Variants in ANKRD16 observed in about 807,000 individuals in gnomAD.
ANKRD16 encodes ankyrin repeat domain-containing protein 16.
A neutral mutation model predicts 37.9 loss-of-function variants in ANKRD16; 35 were observed. The ratio of observed to expected loss-of-function variants is 0.92; its 90% confidence interval spans 0.71 to 1.23. ANKRD16 has a LOEUF of 1.23. Ranked by LOEUF, ANKRD16 falls within the 50% of genes most tolerant of loss-of-function variation. ANKRD16 has a pLI of 0.00. For missense variants in ANKRD16, 480 were observed against 469.9 expected (o/e 1.02, Z -0.20); for synonymous variants, 206 against 197.2 (o/e 1.04, Z -0.37).
intron 7 of ANKRD16, among the ~76,000 whole-genome samples, chr10:5,876,276 C>T (rs1255874499): frequency 6.6e-6 from 1 of 152,136 alleles, no homozygotes; most frequent in Non-Finnish European, 1.5e-5. Flanking sequence ...TACAAAGGTG[C>T]GTGGAATCTA....
rs953662348 is a variant in ANKRD16, at chr10:5,864,209, C to T, written c.*34-1518G>A. Among the ~76,000 whole-genome samples, 8 of 152,118 alleles carry T rather than the reference C, an allele frequency of 5.3e-5. No homozygotes were observed. The highest frequency in any genetic ancestry group is 1.0e-4 in the Non-Finnish European group (7 of 68,034). The stretch of plus-strand genomic sequence containing the variant: ...TGCAAAGCTTACAACTTACATCCCA[C>T]AGGAGGACTTCTCAGCTTACCCCCA... On this transcript the variant is annotated intron_variant, in intron 7 of 7. Coordinates refer to ENST00000380094, the MANE Select transcript of ANKRD16 (RefSeq NM_019046.3). This position sits in a 1 kb window ranked among gnomAD's most constrained non-coding sequence, Gnocchi z 4.4.
rs757652418 is a variant in ANKRD16, at chr10:5,889,099, A to T, written c.256T>A (p.Cys86Ser). ...CCCCGGCCCAGCAGGTAGCGCACGC[A>T]GTCTCGGTGGCCCATGGAGGCCGCC... Reference protein sequence around the residue: ...HEAASMGHRDCVRYLLGRGAA... With the variant: ...HEAASMGHRDSVRYLLGRGAA... Residue 86 changes from cysteine (C) to serine (S), a missense_variant, in exon 1 of 8, where the codon TGC becomes AGC. Transcript: ENST00000380094. 1 of 1,584,744 alleles carries T rather than the reference A, an allele frequency of 6.3e-7. No homozygotes were observed. The highest frequency in any genetic ancestry group is 1.8e-5 in the Admixed American group (1 of 56,560).
At chr10:5,881,441 TATATATATA>T (rs1842308736) in intron 5 of ANKRD16, among the ~76,000 whole-genome samples, 20 of 21,282 alleles carry the variant, frequency 9.4e-4, no homozygotes, top group African/African-American at 2.9e-3. Context: ...ATATTATTTA[TATATATATA>T]TATATATATA....
rs536505830 is a variant in ANKRD16, at chr10:5,863,842, A to G, written c.*34-1151T>C. Among the ~76,000 whole-genome samples the G allele has an allele frequency of 2.0e-5, 3 of 152,296 alleles. No individual in the cohort carries two copies. The East Asian group carries it at 5.8e-4, about 29-fold the overall frequency. On this transcript the variant is annotated intron_variant, in intron 7 of 7. Transcript: ENST00000380094. This position sits in a 1 kb window ranked among gnomAD's most constrained non-coding sequence, Gnocchi z 4.7. ...CACTCACTGCGAGGTCCACGGCTTC[A>G]TTGTTGAAGTCAGTGAGACCAAGAA...
At position 5,870,812 on chromosome 10, in the gene ANKRD16, G is replaced by A. The variant is rs1362176421; in HGVS notation, c.*33+7285C>T. 2.6e-5 allele frequency among the ~76,000 whole-genome samples: 4 copies of A among 152,182 alleles called. No homozygotes were observed. In the East Asian group the frequency reaches 7.7e-4, roughly 29 times the overall value. ...CACCTGTGGTGAAGCCAGGAGAGGTGTCATGTTGGTTGAAATGCCTGCAGA... is the reference window on the plus strand; with the variant it reads ...CACCTGTGGTGAAGCCAGGAGAGGTATCATGTTGGTTGAAATGCCTGCAGA... On this transcript the variant is annotated intron_variant, in intron 7 of 7. Coordinates refer to ENST00000380094, the MANE Select transcript of ANKRD16 (RefSeq NM_019046.3). This position sits in a 1 kb window ranked among gnomAD's most constrained non-coding sequence, Gnocchi z 5.0.
At chr10:5,888,175 G>A in intron 1 of ANKRD16, 108 bp from the exon 2 acceptor site, 1 of 1,023,160 alleles carries the variant, frequency 9.8e-7, no homozygotes, top group Non-Finnish European at 1.4e-6. Context: ...AAAACCTAGA[G>A]GATTCAGGGG....
rs1444194272 is a variant in ANKRD16, at chr10:5,880,328, T to C, written c.898A>G (p.Ile300Val). 1 of 1,604,360 alleles carries C rather than the reference T, an allele frequency of 6.2e-7. No individual in the cohort carries two copies. Among genetic ancestry groups the C allele is most frequent in the East Asian group, 2.2e-5 (1 of 44,608 alleles). ...CGATTTTTTTCATCTTTAGAATTGA[T>C]GTCAGCTCCCAAGGATAAGAGAGTC... ...IQTLLSLGAD[I>V]NSKDEKNRSA... Residue 300 changes from isoleucine (I) to valine (V), a missense_variant, in exon 6 of 8, where the codon ATC becomes GTC. Transcript: ENST00000380094.
chr10:5,884,143 A>C (rs929954217), intron 3 of ANKRD16, 66 bp from the exon 4 acceptor site: 12 of 1,172,032 alleles, frequency 1.0e-5, no homozygotes, highest in Admixed American at 1.9e-5. Context: ...GACAGTTGAC[A>C]CCTGATCACC....
rs1052420 is a variant in ANKRD16, at chr10:5,878,158, T to C, written c.1058A>G (p.Gln353Arg). Residue 353 changes from glutamine (Q) to arginine (R), a missense_variant, in exon 7 of 8, where the codon CAG becomes CGG. Coordinates refer to ENST00000380094, the MANE Select transcript of ANKRD16 (RefSeq NM_019046.3). The surrounding 1 kb of genome is among the most constrained non-coding windows in gnomAD (Gnocchi z 5.1). ...TGTCATTGCGCTATGGCCAGAGCCCTGAAGGACATCTGCTCTCCTTGGGAG... is the reference window on the plus strand; with the variant it reads ...TGTCATTGCGCTATGGCCAGAGCCCCGAAGGACATCTGCTCTCCTTGGGAG... ...QQLPRRADVLQGSGHSAMT is the reference protein window; with the variant it reads ...QQLPRRADVLRGSGHSAMT The C allele has an allele frequency of 0.86, 1,388,951 of 1,613,964 alleles. 599,274 individuals carry two copies. Among genetic ancestry groups the C allele is most frequent in the Admixed American group, 0.91 (54,381 of 60,022 alleles).
chr10:5,873,111 C>G (rs1169065617), intron 7 of ANKRD16, among the ~76,000 whole-genome samples: 4 of 150,394 alleles, frequency 2.7e-5, no homozygotes, highest in African/African-American at 4.9e-5. Context: ...CTCACTGCAA[C>G]CTCCGCCTCC....
chr10:5,883,447 C>T (rs1312905133), intron 4 of ANKRD16, among the ~76,000 whole-genome samples: 1 of 152,136 alleles, frequency 6.6e-6, no homozygotes, highest in Non-Finnish European at 1.5e-5. Flanking sequence ...AGGTGTGTGC[C>T]ACCACACCTG....
Position 5,887,971 on chromosome 10 carries a change from G to A in ANKRD16, c.411C>T (p.Gly137=). Residue 137 remains glycine, a synonymous_variant, in exon 2 of 8, where the codon GGC becomes GGT. Transcript: ENST00000380094. ...GACTGGCAATGTGGAAACTGTTCCA[G>A]CCATCTTTGTTCTTCAGGAGTGGAT... ...GANPLLKNKD[G]WNSFHIASRE... 6.2e-7 allele frequency: 1 copy of A among 1,614,220 alleles called. No individual in the cohort carries two copies. Among genetic ancestry groups the A allele is most frequent in the Non-Finnish European group, 8.5e-7 (1 of 1,180,028 alleles).
Position 5,869,230 on chromosome 10 carries a change from G to A in ANKRD16, c.*34-6539C>T, listed in dbSNP as rs188859710. Among the ~76,000 whole-genome samples the A allele has an allele frequency of 9.2e-5, 14 of 152,226 alleles. No individual in the cohort carries two copies. The highest frequency in any genetic ancestry group is 3.4e-4 in the African/African-American group (14 of 41,512). ...GGGATGTGTTTATTGCCTTGGCCGT[G>A]GTGATAGTTTCCTGGGAGCACAAAT... On this transcript the variant is annotated intron_variant, in intron 7 of 7. Coordinates refer to ENST00000380094, the MANE Select transcript of ANKRD16 (RefSeq NM_019046.3). This position sits in a 1 kb window ranked among gnomAD's most constrained non-coding sequence, Gnocchi z 4.0.
intron 2 of ANKRD16, among the ~76,000 whole-genome samples, chr10:5,887,232 T>G (rs1842439283): frequency 6.6e-6 from 1 of 152,224 alleles, no homozygotes; most frequent in African/African-American, 2.4e-5. Flanking sequence ...GGTCAAAGAC[T>G]ATGTGCTACA....
At chr10:5,888,772 C>CT (rs1297803520) in intron 1 of ANKRD16, among the ~76,000 whole-genome samples, 1 of 152,226 alleles carries the variant, frequency 6.6e-6, no homozygotes, top group East Asian at 1.9e-4. Flanking sequence ...GTAACATTCT[C>CT]TTTGGTTATA....
rs1023313217 is a variant in ANKRD16, at chr10:5,889,412, G to C, written c.-58C>G. 5.3e-6 allele frequency: 6 copies of C among 1,130,512 alleles called. No individual in the cohort carries two copies. In the Admixed American group the frequency reaches 1.4e-4, roughly 27 times the overall value. The allele number at this position is 1,130,512 out of a possible 1,614,324, so 70.0% of individuals were successfully genotyped here. A position where few individuals can be genotyped will look rare whatever the true frequency, so the allele number is the denominator to read the frequency against. On this transcript the variant is annotated 5_prime_UTR_variant, in exon 1 of 8. Transcript: ENST00000380094. ...CGGCGGGCGGGACACCGGCGGCCGG[G>C]CAGGGAGAAGCCGAGGGCGAGTGGG... is the stretch of plus-strand genomic sequence containing the variant.
chr10:5,881,438 T>TTTTATA (rs1554796692), intron 5 of ANKRD16, among the ~76,000 whole-genome samples: 98 of 50,964 alleles, frequency 1.9e-3, no homozygotes, highest in African/African-American at 5.1e-3. Flanking sequence ...AAAATATTAT[T>TTTTATA]TATATATATA....
rs534896779 is a variant in ANKRD16 at position 5,889,886 on chromosome 10, G to A, written c.-532C>T. 6.8e-5 allele frequency: 11 copies of A among 161,980 alleles called. No individual in the cohort carries two copies. The East Asian group carries it at 1.7e-3, about 25-fold the overall frequency. 10.0% of individuals were successfully genotyped at this position (161,980 alleles called of 1,614,324 possible). A position where few individuals can be genotyped will look rare whatever the true frequency, so the allele number is the denominator to read the frequency against. ...GACCTGCCCCGCACGCGTCCTCAGG[G>A]CCGCCCCAGCCTCCAGCCCCTGGGG... On this transcript the variant is annotated 5_prime_UTR_variant, in exon 1 of 8. Coordinates refer to ENST00000380094, the MANE Select transcript of ANKRD16 (RefSeq NM_019046.3).
chr10:5,885,681 T>C (rs942905921), intron 3 of ANKRD16, 42 bp downstream of exon 3: 6 of 1,609,962 alleles, frequency 3.7e-6, no homozygotes, highest in Non-Finnish European at 5.1e-6. Flanking sequence ...CTCTTTGTCA[T>C]AGTTAGCAAA....
Sources: gnomAD v4.1 joint callset for allele counts (sites outside exome capture counted in the v4.1 genomes callset) on GRCh38, gnomAD v4.1.1 for gene constraint, Gnocchi (gnomAD v3.1) non-coding constraint, MANE v1.5 for transcripts, NCBI Gene and HGNC (gene_info 2026-07-23, HGNC 2026-07-21) for gene names.